FGF12: variants seen among roughly 807,000 people sequenced by gnomAD.
FGF12 encodes the protein fibroblast growth factor 12, also known as fibroblast growth factor 12B.
A neutral mutation model predicts 23.6 loss-of-function variants in FGF12; 14 were observed. That is an observed-to-expected ratio of 0.59 (90% CI 0.39 to 0.93). The LOEUF is 0.93. FGF12 is among the 40% of genes least tolerant of loss of function. The probability of loss-of-function intolerance (pLI) is 0.00; values close to 1 mark genes in which losing one functional copy is unlikely to be tolerated. For synonymous variants in FGF12, 62 were observed against 77.3 expected (o/e 0.80, Z 1.04); for missense variants, 175 against 217.8 (o/e 0.80, Z 1.24).
chr3:192,327,068 A>G (rs766023729), intron 4 of FGF12, among the ~76,000 whole-genome samples: 4 of 152,010 alleles, frequency 2.6e-5, no homozygotes, highest in Non-Finnish European at 5.9e-5. Context: ...CTAGATTTCA[A>G]CTCTAGTTCT....
chr3:192,388,458 T>G (rs1326840397), intron 2 of FGF12, among the ~76,000 whole-genome samples: 1 of 152,196 alleles, frequency 6.6e-6, no homozygotes, highest in African/African-American at 2.4e-5. Flanking sequence ...GTGCTTTTTA[T>G]TTATTTTTTG....
At chr3:192,270,807 G>GGAAGGAAGGAAA in intron 4 of FGF12, among the ~76,000 whole-genome samples, 1 of 90,210 alleles carries the variant, frequency 1.1e-5, no homozygotes, top group African/African-American at 3.8e-5. Context: ...AAGGAAGGAA[G>GGAAGGAAGGAAA]GAAGGAAGGA....
At chr3:192,150,948 G>A (rs1184960833) in intron 5 of FGF12, among the ~76,000 whole-genome samples, 1 of 144,926 alleles carries the variant, frequency 6.9e-6, no homozygotes, top group Non-Finnish European at 1.5e-5. Flanking sequence ...CTAGCCATGA[G>A]CATGGAATGT....
chr3:192,575,388 G>A (rs1712828852), intron 2 of FGF12, among the ~76,000 whole-genome samples: 1 of 152,186 alleles, frequency 6.6e-6, no homozygotes, highest in African/African-American at 2.4e-5. Flanking sequence ...GGTGATCAAA[G>A]CATTGGCATT....
intron 2 of FGF12, among the ~76,000 whole-genome samples, chr3:192,717,635 A>G (rs1718905216): frequency 6.6e-6 from 1 of 152,188 alleles, no homozygotes; most frequent in Non-Finnish European, 1.5e-5. Context: ...ACTGTAATAA[A>G]ATATGTGAAA....
intron 2 of FGF12, among the ~76,000 whole-genome samples, chr3:192,628,698 T>C (rs1294602194): frequency 2.0e-5 from 3 of 149,738 alleles, no homozygotes; most frequent in Non-Finnish European, 4.4e-5. Flanking sequence ...CATTTATGTA[T>C]ATATACACAT....
intron 2 of FGF12, among the ~76,000 whole-genome samples, chr3:192,597,166 T>C (rs560704088): frequency 1.3e-5 from 2 of 152,326 alleles, no homozygotes; most frequent in Admixed American, 6.5e-5. Context: ...AGTTAATTCC[T>C]ACCCTAACTT....
chr3:192,474,269 T>A (rs776980020), intron 2 of FGF12, among the ~76,000 whole-genome samples: 1 of 152,218 alleles, frequency 6.6e-6, no homozygotes, highest in Non-Finnish European at 1.5e-5. Context: ...GTATTGGACA[T>A]CTGTTGTTTT....
chr3:192,187,750 G>A (rs765685126), intron 4 of FGF12, among the ~76,000 whole-genome samples: 1 of 151,312 alleles, frequency 6.6e-6, no homozygotes, highest in Non-Finnish European at 1.5e-5. Context: ...TAAACGAAAG[G>A]AGAGAGAGAA....
intron 2 of FGF12, among the ~76,000 whole-genome samples, chr3:192,666,308 A>G (rs1472986426): frequency 6.6e-6 from 1 of 152,188 alleles, no homozygotes; most frequent in African/African-American, 2.4e-5. Flanking sequence ...AAAGCAGCAA[A>G]CAGTTTATCA....
At chr3:192,508,152 C>G (rs993473868) in intron 2 of FGF12, among the ~76,000 whole-genome samples, 1 of 152,164 alleles carries the variant, frequency 6.6e-6, no homozygotes, top group African/African-American at 2.4e-5. Context: ...AACTGCAATG[C>G]TATCGTTTCT....
chr3:192,408,335 C>T lies in FGF12; in HGVS notation c.14-47797G>A. ...CAGGGAAAGGGCAGTCGCGGGGAGG[C>T]AGTGCTAAAATTTGAGGAGGCTGCA... On this transcript the variant is annotated intron_variant, in intron 2 of 5. Coordinates refer to ENST00000445105, the MANE Select transcript of FGF12 (RefSeq NM_004113.6). The surrounding 1 kb of genome is among the most constrained non-coding windows in gnomAD (Gnocchi z 7.3). 2 of 1,432,036 alleles carry T rather than the reference C, an allele frequency of 1.4e-6. No individual in the cohort carries two copies. The highest frequency in any genetic ancestry group is 1.8e-6 in the Non-Finnish European group (2 of 1,097,200). 88.7% of individuals were successfully genotyped at this position (1,432,036 alleles called of 1,614,324 possible).
chr3:192,421,819 T>TAAA (rs74360183), intron 2 of FGF12, among the ~76,000 whole-genome samples: 5 of 144,996 alleles, frequency 3.4e-5, no homozygotes, highest in African/African-American at 1.3e-4. Context: ...TAAAGTATAA[T>TAAA]AAAAAAAAAA....
chr3:192,231,395 A>G (rs533628645), intron 4 of FGF12, among the ~76,000 whole-genome samples: 2 of 152,164 alleles, frequency 1.3e-5, no homozygotes, highest in Non-Finnish European at 1.5e-5. Flanking sequence ...AACACTTTAC[A>G]TTTGTATTTT....
At chr3:192,682,872 A>G (rs1015065383) in intron 2 of FGF12, among the ~76,000 whole-genome samples, 9 of 152,170 alleles carry the variant, frequency 5.9e-5, no homozygotes, top group Non-Finnish European at 7.3e-5. Context: ...GGTCATGCCT[A>G]AGTAATAAAA....
chr3:192,637,692 C>A (rs372430477), intron 2 of FGF12, among the ~76,000 whole-genome samples: 14 of 152,218 alleles, frequency 9.2e-5, no homozygotes, highest in East Asian at 3.9e-4. Context: ...GAATAGAATT[C>A]TTTTCCTAAG....
chr3:192,620,491 A>G (rs1714934423), intron 2 of FGF12, among the ~76,000 whole-genome samples: 2 of 152,130 alleles, frequency 1.3e-5, no homozygotes. Context: ...CATAAAAACT[A>G]TACGGTAGGA....
At chr3:192,466,530 G>A (rs928119320) in intron 2 of FGF12, among the ~76,000 whole-genome samples, 3 of 152,136 alleles carry the variant, frequency 2.0e-5, no homozygotes, top group East Asian at 1.9e-4. Flanking sequence ...AGCAGAAGAC[G>A]AAAGGGGTTC....
At chr3:192,412,779 C>G (rs945236830) in intron 2 of FGF12, among the ~76,000 whole-genome samples, 1 of 152,218 alleles carries the variant, frequency 6.6e-6, no homozygotes, top group Non-Finnish European at 1.5e-5. Context: ...ATAAGTCTTT[C>G]TCCACAGTTA....
Sources: allele counts gnomAD v4.1 joint callset (sites outside exome capture counted in the v4.1 genomes callset), GRCh38; gene constraint gnomAD v4.1.1; non-coding constraint Gnocchi (gnomAD v3.1); transcripts MANE v1.5; gene names NCBI Gene and HGNC (gene_info 2026-07-23, HGNC 2026-07-21).